Variants in ADAM23 observed in about 807,000 individuals in gnomAD.
ADAM23 encodes the protein disintegrin and metalloproteinase domain-containing protein 23.
ADAM23 carries 33 observed loss-of-function variants against 120.1 expected under a neutral mutation model. That is an observed-to-expected ratio of 0.27 (90% confidence interval 0.21 to 0.37). ADAM23 has a LOEUF of 0.37. Among genes scored for constraint, ADAM23 ranks in the 10% least tolerant of loss-of-function variants. ADAM23 has a pLI of 1.00. For missense variants in ADAM23, 862 were observed against 1,058.2 expected, an observed-to-expected ratio of 0.81 and a Z score of 2.57; for synonymous variants, 367 against 375.2, an observed-to-expected ratio of 0.98 and a Z score of 0.25.
intron 3 of ADAM23, among the ~76,000 whole-genome samples, chr2:206,528,246 A>G (rs772668524): frequency 2.0e-5 from 3 of 152,232 alleles, no homozygotes; most frequent in Admixed American, 6.5e-5. Flanking sequence ...CACCAGCTTC[A>G]TCTATGTATA....
intron 3 of ADAM23, among the ~76,000 whole-genome samples, chr2:206,516,212 GGAAGA>G (rs1197700753): frequency 6.7e-6 from 1 of 148,522 alleles, no homozygotes; most frequent in Non-Finnish European, 1.5e-5. Flanking sequence ...AAGCTTACAT[GGAAGA>G]TTTGGGCATT....
chr2:206,470,283 TC>T (rs1695627966), intron 2 of ADAM23, among the ~76,000 whole-genome samples: 1 of 152,086 alleles, frequency 6.6e-6, no homozygotes, highest in East Asian at 1.9e-4. Context: ...TCTTCAAGGC[TC>T]CATCTAATTT....
chr2:206,617,249 C>T (rs1698950989), intron 25 of ADAM23, among the ~76,000 whole-genome samples: 1 of 152,262 alleles, frequency 6.6e-6, no homozygotes, highest in South Asian at 2.1e-4. Flanking sequence ...TAATAATTTT[C>T]ACCTAATGAA....
At chr2:206,528,718 CCTA>C (rs748118945) in intron 3 of ADAM23, among the ~76,000 whole-genome samples, 3 of 152,138 alleles carry the variant, frequency 2.0e-5, no homozygotes, top group Non-Finnish European at 4.4e-5. Flanking sequence ...AACAAGAAAA[CCTA>C]CTATGAGGCA....
chr2:206,568,364 T>A (rs904803849), intron 15 of ADAM23, among the ~76,000 whole-genome samples: 122 of 152,320 alleles, frequency 8.0e-4, no homozygotes, highest in Non-Finnish European at 1.4e-3. Context: ...TCAGAAGTGT[T>A]TTTTATGTTT....
intron 2 of ADAM23, among the ~76,000 whole-genome samples, chr2:206,452,666 G>A (rs1370730242): frequency 1.3e-5 from 2 of 152,082 alleles, no homozygotes; most frequent in Non-Finnish European, 2.9e-5. Context: ...AAATTAAAAA[G>A]AAAAAATAAC....
chr2:206,543,750 TACACAC>T (rs35626987), intron 6 of ADAM23, among the ~76,000 whole-genome samples: 1 of 149,908 alleles, frequency 6.7e-6, no homozygotes, highest in African/African-American at 2.4e-5. Context: ...TAAAATGTGA[TACACAC>T]ACACACACAC....
intron 3 of ADAM23, among the ~76,000 whole-genome samples, chr2:206,521,049 A>G (rs1311815925): frequency 1.3e-5 from 2 of 152,060 alleles, no homozygotes; most frequent in Non-Finnish European, 2.9e-5. Context: ...ATTGTATCGT[A>G]GAGACTGCCT....
At chr2:206,499,176 G>T (rs921501679) in intron 3 of ADAM23, among the ~76,000 whole-genome samples, 2 of 151,820 alleles carry the variant, frequency 1.3e-5, no homozygotes, top group East Asian at 3.9e-4. Flanking sequence ...AAATCATGCT[G>T]CTATAAAGAC....
chr2:206,553,606 A>T (rs2042465), intron 9 of ADAM23, among the ~76,000 whole-genome samples: 118,166 of 152,120 alleles, frequency 0.78, 46,195 homozygotes, highest in African/African-American at 0.83. Context: ...AATACGTATG[A>T]CATTTTATAA....
intron 3 of ADAM23, among the ~76,000 whole-genome samples, chr2:206,483,229 A>G (rs1490886423): frequency 6.6e-6 from 1 of 152,192 alleles, no homozygotes; most frequent in Non-Finnish European, 1.5e-5. Flanking sequence ...GTTAAAGCCA[A>G]CAGAGGTACC....
intron 3 of ADAM23, among the ~76,000 whole-genome samples, chr2:206,526,526 G>A (rs1017979735): frequency 3.3e-5 from 5 of 152,110 alleles, no homozygotes; most frequent in African/African-American, 1.2e-4. Flanking sequence ...TTTCTGTTAT[G>A]CCATCTGGAG....
chr2:206,530,688 T>TTTTTC (rs1321539032), intron 3 of ADAM23, among the ~76,000 whole-genome samples, 197 bp from the exon 4 acceptor site: 1 of 148,932 alleles, frequency 6.7e-6, no homozygotes, highest in African/African-American at 2.5e-5. Context: ...TTTTTTTTTT[T>TTTTTC]TTTCTGCAGA....
At chr2:206,462,372 G>A (rs764089096) in intron 2 of ADAM23, among the ~76,000 whole-genome samples, 11 of 152,136 alleles carry the variant, frequency 7.2e-5, no homozygotes, top group Non-Finnish European at 8.8e-5. Flanking sequence ...TTCTCACAAC[G>A]TTAAATAATT....
intron 3 of ADAM23, among the ~76,000 whole-genome samples, chr2:206,512,915 A>G (rs1380979697): frequency 6.6e-6 from 1 of 152,098 alleles, no homozygotes; most frequent in African/African-American, 2.4e-5. Flanking sequence ...TTAAATTATT[A>G]TGATCTGTGA....
At chr2:206,603,961 CAAAAAAAAA>C (rs556443421) in intron 24 of ADAM23, among the ~76,000 whole-genome samples, 1 of 112,930 alleles carries the variant, frequency 8.9e-6, no homozygotes, top group Non-Finnish European at 1.9e-5. Context: ...AAACTTAAGC[CAAAAAAAAA>C]AAAAAAAAGT....
At chr2:206,597,671 G>A (rs1698556188) in intron 24 of ADAM23, among the ~76,000 whole-genome samples, 1 of 152,190 alleles carries the variant, frequency 6.6e-6, no homozygotes, top group Non-Finnish European at 1.5e-5. Flanking sequence ...GGATGACGTT[G>A]TACATCAGCT....
intron 9 of ADAM23, among the ~76,000 whole-genome samples, chr2:206,551,114 G>A (rs926856414): frequency 6.6e-6 from 1 of 152,192 alleles, no homozygotes; most frequent in African/African-American, 2.4e-5. Flanking sequence ...GCCCAGAAGA[G>A]TCTTGGTCAG....
At chr2:206,518,260 A>G (rs1459531472) in intron 3 of ADAM23, among the ~76,000 whole-genome samples, 2 of 152,226 alleles carry the variant, frequency 1.3e-5, no homozygotes, top group Non-Finnish European at 2.9e-5. Context: ...ACATATATTT[A>G]GAGAATCGAG....
Sources: allele counts gnomAD v4.1 joint callset (sites outside exome capture counted in the v4.1 genomes callset), GRCh38; gene constraint gnomAD v4.1.1; transcripts MANE v1.5; gene names NCBI Gene and HGNC (gene_info 2026-07-23, HGNC 2026-07-21).